Variants in POU6F2 observed in about 807,000 individuals in gnomAD.
The protein encoded by POU6F2 is POU domain, class 6, transcription factor 2.
POU6F2 carries 31 observed loss-of-function variants against 71.3 expected under a neutral mutation model. That is an observed-to-expected ratio of 0.43 (90% confidence interval 0.33 to 0.59). The LOEUF (loss-of-function observed/expected upper bound fraction) is 0.59. Among genes scored for constraint, POU6F2 ranks in the 20% least tolerant of loss-of-function variants. POU6F2 has a pLI of 0.04. For synonymous variants in POU6F2, 347 were observed against 355.7 expected, an observed-to-expected ratio of 0.98 and a Z score of 0.27; for missense variants, 783 against 856.8, an observed-to-expected ratio of 0.91 and a Z score of 1.07.
At chr7:39,038,333 A>G (rs1790109842) in intron 1 of POU6F2, among the ~76,000 whole-genome samples, 1 of 152,066 alleles carries the variant, frequency 6.6e-6, no homozygotes, top group South Asian at 2.1e-4. Context: ...GGGAAAATTA[A>G]GCTGACTATT....
intron 4 of POU6F2, among the ~76,000 whole-genome samples, chr7:39,252,849 G>A (rs2128753068): frequency 6.6e-6 from 1 of 152,192 alleles, no homozygotes; most frequent in East Asian, 1.9e-4. Flanking sequence ...CACCCCACAG[G>A]CACACCTTAT....
At chr7:39,007,160 G>C (rs1298193523) in intron 1 of POU6F2, among the ~76,000 whole-genome samples, 1 of 152,104 alleles carries the variant, frequency 6.6e-6, no homozygotes, top group Non-Finnish European at 1.5e-5. Context: ...TTGACCATTA[G>C]AGTTTATATT....
chr7:39,247,942 C>A (rs1783849723), intron 4 of POU6F2, among the ~76,000 whole-genome samples: 1 of 152,100 alleles, frequency 6.6e-6, no homozygotes, highest in Non-Finnish European at 1.5e-5. Context: ...TAGGTCTTTC[C>A]TGACAATCTG....
intron 5 of POU6F2, among the ~76,000 whole-genome samples, chr7:39,348,805 T>C (rs554780825): frequency 1.4e-4 from 21 of 152,298 alleles, no homozygotes; most frequent in Middle Eastern, 3.4e-3. Context: ...GATAGATGGG[T>C]AGATAGAAGT....
Position 39,342,887 on chromosome 7 carries a change from GA to G in POU6F2, c.972+2873del, listed in dbSNP as rs372226676. ...CATTTACAAAACCAAGTTGTTTTAAGATAGATAGGAGTCTAAAGTATTATCC... is the reference window on the plus strand; with the variant it reads ...CATTTACAAAACCAAGTTGTTTTAAGTAGATAGGAGTCTAAAGTATTATCC... On this transcript the variant is annotated intron_variant, in intron 5 of 9. Transcript: ENST00000518318. Among the ~76,000 whole-genome samples the G allele has an allele frequency of 5.1e-3, 780 of 152,300 alleles. 7 individuals carry two copies. The highest frequency in any genetic ancestry group is 0.018 in the African/African-American group (757 of 41,562).
intron 2 of POU6F2, among the ~76,000 whole-genome samples, chr7:39,177,288 T>G (rs1793350790): frequency 6.6e-6 from 1 of 151,984 alleles, no homozygotes; most frequent in East Asian, 1.9e-4. Flanking sequence ...TCACACAGAG[T>G]TCAGGGCAGG....
chr7:39,211,469 G>T (rs1274317265), intron 4 of POU6F2, among the ~76,000 whole-genome samples: 1 of 152,168 alleles, frequency 6.6e-6, no homozygotes, highest in Non-Finnish European at 1.5e-5. Flanking sequence ...TGAAGTCCTT[G>T]CTCTGAGATT....
At chr7:39,347,383 G>T (rs1786051193) in intron 5 of POU6F2, among the ~76,000 whole-genome samples, 1 of 152,160 alleles carries the variant, frequency 6.6e-6, no homozygotes, top group East Asian at 1.9e-4. Flanking sequence ...ATAATTGCAT[G>T]TCAGTTTCGT....
chr7:39,174,727 C>T (rs1429794404), intron 2 of POU6F2, among the ~76,000 whole-genome samples: 1 of 152,148 alleles, frequency 6.6e-6, no homozygotes, highest in African/African-American at 2.4e-5. Context: ...GGCTCCTTCA[C>T]ATCTGTTCTT....
intron 4 of POU6F2, among the ~76,000 whole-genome samples, chr7:39,266,348 G>A (rs897819168): frequency 2.6e-5 from 4 of 152,176 alleles, no homozygotes; most frequent in Non-Finnish European, 4.4e-5. Flanking sequence ...TGCACCACAA[G>A]GATGTGGTAG....
chr7:39,108,389 G>A (rs1184166208), intron 2 of POU6F2, among the ~76,000 whole-genome samples: 1 of 152,028 alleles, frequency 6.6e-6, no homozygotes, highest in Non-Finnish European at 1.5e-5. Context: ...AAATTACCAG[G>A]GGTCAACCCT....
chr7:39,253,140 T>C (rs1022604634), intron 4 of POU6F2, among the ~76,000 whole-genome samples: 1 of 152,202 alleles, frequency 6.6e-6, no homozygotes, highest in African/African-American at 2.4e-5. Flanking sequence ...GGCAGAAATA[T>C]TTGTTAAATT....
intron 6 of POU6F2, among the ~76,000 whole-genome samples, chr7:39,425,753 C>G (rs1422096268): frequency 6.6e-6 from 1 of 152,146 alleles, no homozygotes. Context: ...TTCATTTCTC[C>G]TCTGTTTTTC....
At chr7:39,283,256 TTGAA>T (rs1212419409) in intron 4 of POU6F2, among the ~76,000 whole-genome samples, 1 of 152,084 alleles carries the variant, frequency 6.6e-6, no homozygotes, top group Non-Finnish European at 1.5e-5. Context: ...CCTTTCCAAT[TTGAA>T]TGCCCTTTAT....
intron 8 of POU6F2, among the ~76,000 whole-genome samples, chr7:39,453,029 T>A (rs1788698140): frequency 6.6e-6 from 1 of 152,092 alleles, no homozygotes; most frequent in Non-Finnish European, 1.5e-5. Flanking sequence ...GAGGCAGAGG[T>A]TGCAGTGAGC....
intron 4 of POU6F2, among the ~76,000 whole-genome samples, chr7:39,284,796 T>C (rs538208657): frequency 1.3e-5 from 2 of 152,326 alleles, no homozygotes; most frequent in African/African-American, 4.8e-5. Flanking sequence ...TTAAATTCAG[T>C]CAAGGTTGGT....
chr7:39,294,952 C>T (rs572645463), intron 4 of POU6F2, among the ~76,000 whole-genome samples: 1 of 152,028 alleles, frequency 6.6e-6, no homozygotes, highest in East Asian at 1.9e-4. Flanking sequence ...AAATCAGGGG[C>T]GGGTCCTGGG....
intron 1 of POU6F2, among the ~76,000 whole-genome samples, chr7:39,063,459 G>T (rs1790697726): frequency 6.6e-6 from 1 of 152,168 alleles, no homozygotes; most frequent in South Asian, 2.1e-4. Context: ...GCTTCCACTG[G>T]CAAATTAAAC....
chr7:39,031,349 C>G (rs973907118), intron 1 of POU6F2, among the ~76,000 whole-genome samples: 1 of 152,032 alleles, frequency 6.6e-6, no homozygotes, highest in African/African-American at 2.4e-5. Context: ...AAGTTTAGTA[C>G]AGGACAATTA....
Sources: gnomAD v4.1 joint callset for allele counts (sites outside exome capture counted in the v4.1 genomes callset) on GRCh38, gnomAD v4.1.1 for gene constraint, MANE v1.5 for transcripts, NCBI Gene and HGNC (gene_info 2026-07-23, HGNC 2026-07-21) for gene names.